Variants in KAT2B observed in about 807,000 individuals in gnomAD.
The protein encoded by KAT2B is lysine acetyltransferase 2B, also known as histone acetyltransferase KAT2B.
In KAT2B, 36 loss-of-function variants were observed where a neutral mutation model predicts 105.9. The ratio of observed to expected loss-of-function variants is 0.34; its 90% CI spans 0.26 to 0.45. The LOEUF is 0.45. Ranked by LOEUF, KAT2B falls within the 20% of genes least tolerant of loss-of-function variation. The probability of loss-of-function intolerance (pLI) is 1.00; values close to 1 mark genes in which losing one functional copy is unlikely to be tolerated. For missense variants in KAT2B, 820 were observed against 1,021.6 expected, an observed-to-expected ratio of 0.80 and a Z score of 2.69; for synonymous variants, 397 against 377.9, an observed-to-expected ratio of 1.05 and a Z score of -0.59.
chr3:20,131,664 C>T (rs1699513360), intron 11 of KAT2B, among the ~76,000 whole-genome samples: 1 of 152,136 alleles, frequency 6.6e-6, no homozygotes, highest in African/African-American at 2.4e-5. Context: ...ACCTCCTGTG[C>T]TCAGGTAATC....
chr3:20,105,191 A>G (rs911977256), intron 5 of KAT2B, among the ~76,000 whole-genome samples: 6 of 152,102 alleles, frequency 3.9e-5, no homozygotes. Context: ...CAACCTAAAT[A>G]TTGTTACATA....
intron 5 of KAT2B, among the ~76,000 whole-genome samples, chr3:20,105,845 A>T (rs1202242639): frequency 6.6e-6 from 1 of 151,808 alleles, no homozygotes; most frequent in African/African-American, 2.4e-5. Context: ...AAGAATACAT[A>T]GCAAGTTAGC....
chr3:20,080,337 T>C (rs1293088890), intron 2 of KAT2B, among the ~76,000 whole-genome samples: 1 of 152,208 alleles, frequency 6.6e-6, no homozygotes, highest in Non-Finnish European at 1.5e-5. Context: ...GCCTTAGATC[T>C]GGAAGCTCAC....
chr3:20,105,800 G>GAA (rs35102951), intron 5 of KAT2B, among the ~76,000 whole-genome samples: 61 of 94,342 alleles, frequency 6.5e-4, no homozygotes, highest in South Asian at 1.1e-3. Context: ...GACCCTGTCT[G>GAA]AAAAAAAAAA....
intron 2 of KAT2B, among the ~76,000 whole-genome samples, chr3:20,088,358 A>C (rs1001250024): frequency 1.3e-5 from 2 of 152,150 alleles, no homozygotes; most frequent in African/African-American, 4.8e-5. Context: ...TGGCTGTACT[A>C]ATTTACATTC....
intron 9 of KAT2B, among the ~76,000 whole-genome samples, chr3:20,123,981 A>G (rs1472056285): frequency 6.6e-6 from 1 of 152,084 alleles, no homozygotes. Flanking sequence ...TGGCTTGGAG[A>G]TTATATTACA....
At position 20,151,372 on chromosome 3, in the gene KAT2B, T is replaced by C. The variant is rs3804575; in HGVS notation, c.2306-960T>C. ...TAAATGATGATCCCAATGTATTTGG[T>C]TATAGGTTTCTTTCCCCCTGGAAAT... On this transcript the variant is annotated intron_variant, in intron 17 of 17. Coordinates refer to ENST00000263754, the MANE Select transcript of KAT2B (RefSeq NM_003884.5). Among the ~76,000 whole-genome samples the C allele has an allele frequency of 5.8e-4, 89 of 152,316 alleles. No individual in the cohort carries two copies. In the East Asian group the frequency reaches 0.014, roughly 24 times the overall value.
intron 11 of KAT2B, among the ~76,000 whole-genome samples, chr3:20,131,999 G>A (rs1316527760): frequency 6.6e-6 from 1 of 152,142 alleles, no homozygotes; most frequent in Non-Finnish European, 1.5e-5. Flanking sequence ...TTTTTATGTG[G>A]ATTTATTGTG....
intron 13 of KAT2B, among the ~76,000 whole-genome samples, chr3:20,144,200 G>C (rs765044482): frequency 4.1e-4 from 46 of 111,480 alleles, no homozygotes; most frequent in African/African-American, 2.2e-3. Context: ...TTGGTGAAGA[G>C]AAGGAAACTT....
At chr3:20,107,618 T>C (rs1246309494) in intron 5 of KAT2B, among the ~76,000 whole-genome samples, 2 of 146,204 alleles carry the variant, frequency 1.4e-5, no homozygotes, top group African/African-American at 2.5e-5. Context: ...GATCATGCCA[T>C]TGCCCTCCAG....
intron 11 of KAT2B, among the ~76,000 whole-genome samples, chr3:20,133,882 T>A (rs909171928): frequency 1.3e-5 from 2 of 152,206 alleles, no homozygotes; most frequent in Non-Finnish European, 2.9e-5. Flanking sequence ...AGGTCGAACA[T>A]ATCTCTTATA....
chr3:20,040,855 T>TTCCACCTCCGCCTCCCGCC, intron 1 of KAT2B, 75 bp downstream of exon 1: 1 of 1,430,294 alleles, frequency 7.0e-7, no homozygotes, highest in Non-Finnish European at 9.2e-7. Flanking sequence ...CCCCTCCCGC[T>TTCCACCTCCGCCTCCCGCC]TCCACCTCCG....
chr3:20,082,209 A>G (rs1018681567), intron 2 of KAT2B, among the ~76,000 whole-genome samples: 9 of 151,568 alleles, frequency 5.9e-5, no homozygotes, highest in Non-Finnish European at 1.3e-4. Flanking sequence ...TAATTTTTTT[A>G]TTTTTAGTAG....
intron 13 of KAT2B, among the ~76,000 whole-genome samples, chr3:20,143,147 A>C (rs1163855227): frequency 6.6e-6 from 1 of 152,194 alleles, no homozygotes; most frequent in African/African-American, 2.4e-5. Flanking sequence ...AACTGACAGC[A>C]GTAGATCATA....
Position 20,059,436 on chromosome 3 carries a change from G to A in KAT2B, c.304-12897G>A, listed in dbSNP as rs1265694093. On this transcript the variant is annotated intron_variant, in intron 1 of 17. Transcript: ENST00000263754. ...TCAAAAAAAAAAAAAAAAAAAAAAA[G>A]GCCAGGCGTGGTGCCTCACGCTTGT... 2.8e-3 allele frequency among the ~76,000 whole-genome samples: 316 copies of A among 112,204 alleles called. 3 individuals are homozygous for A. Among genetic ancestry groups the A allele is most frequent in the African/African-American group, 0.01 (295 of 28,346 alleles). The allele number at this position is 112,204 out of a possible 152,430, so 73.6% of individuals were successfully genotyped here. A position where few individuals can be genotyped will look rare whatever the true frequency, so the allele number is the denominator to read the frequency against.
chr3:20,098,625 C>A (rs1698854319), intron 3 of KAT2B, among the ~76,000 whole-genome samples: 1 of 152,076 alleles, frequency 6.6e-6, no homozygotes, highest in African/African-American at 2.4e-5. Context: ...ATTGAAACCC[C>A]CAAATGGGCC....
chr3:20,119,495 G>T, intron 7 of KAT2B, 103 bp from the exon 8 acceptor site: 2 of 1,150,302 alleles, frequency 1.7e-6, no homozygotes, highest in Non-Finnish European at 2.5e-6. Context: ...GACTTATTTT[G>T]TGGCATTGGG....
intron 9 of KAT2B, among the ~76,000 whole-genome samples, chr3:20,125,265 A>G (rs961649063): frequency 7.4e-5 from 11 of 148,188 alleles, no homozygotes; most frequent in Non-Finnish European, 1.3e-4. Flanking sequence ...AGATAGCGCC[A>G]CTGCAGTCTG....
At chr3:20,095,132 A>C (rs1471179340) in intron 2 of KAT2B, 131 bp from the exon 3 acceptor site, 5 of 669,568 alleles carry the variant, frequency 7.5e-6, no homozygotes, top group Non-Finnish European at 1.2e-5. Flanking sequence ...GAGTTCAGAA[A>C]TTTTCTCTTA....
Sources: gnomAD v4.1 joint callset for allele counts (sites outside exome capture counted in the v4.1 genomes callset) on GRCh38, gnomAD v4.1.1 for gene constraint, MANE v1.5 for transcripts, NCBI Gene and HGNC (gene_info 2026-07-23, HGNC 2026-07-21) for gene names.